Variants in USP35 observed in about 807,000 individuals in gnomAD.
USP35 encodes the protein ubiquitin carboxyl-terminal hydrolase 35.
Under a neutral mutation model 83.8 loss-of-function variants are expected in USP35, and 69 were observed. The observed-to-expected ratio is 0.82, with a 90% CI of 0.68 to 1.01. The LOEUF (loss-of-function observed/expected upper bound fraction) is 1.01, where lower values mean the gene tolerates loss of function less well. Among genes scored for constraint, USP35 ranks in the 50% least tolerant of loss-of-function variants. USP35 has a pLI of 0.00. For synonymous variants in USP35, 714 were observed against 589.5 expected (o/e 1.21, Z -3.06); for missense variants, 1,503 against 1,362.5 (o/e 1.10, Z -1.62).
chr11:78,230,229 C>A, the USP35 span, among the ~76,000 whole-genome samples: 1 of 152,234 alleles, frequency 6.6e-6, no homozygotes, highest in Admixed American at 6.5e-5. Flanking sequence ...CAGATCAAAG[C>A]CCTTCCTCTG....
chr11:78,223,373 C>A, the USP35 span: 1 of 1,450,800 alleles, frequency 6.9e-7, no homozygotes, highest in Non-Finnish European at 9.1e-7. Context: ...AGTCCCTAGC[C>A]ACTGTCCAGA....
chr11:78,217,036 C>T (rs914538719), downstream of USP35: 9 of 152,664 alleles, frequency 5.9e-5, no homozygotes, highest in Non-Finnish European at 1.0e-4. Context: ...CTTCTTCCTC[C>T]ACTGGACCCA....
At chr11:78,198,793 CTGTT>C (rs1436286952) in intron 3 of USP35, 15 of 729,046 alleles carry the variant, frequency 2.1e-5, no homozygotes, top group African/African-American at 1.9e-4. Context: ...CTCAACCTCT[CTGTT>C]TGAGTTTCCT....
downstream of USP35, chr11:78,219,312 A>G (rs771169575): frequency 1.9e-6 from 3 of 1,613,696 alleles, no homozygotes; most frequent in African/African-American, 4.0e-5. Flanking sequence ...GGACTGCCGC[A>G]CGTCTGTCCA....
chr11:78,233,990 T>G, the USP35 span, among the ~76,000 whole-genome samples: 1 of 152,266 alleles, frequency 6.6e-6, no homozygotes, highest in African/African-American at 2.4e-5. Flanking sequence ...ACTACAGTTT[T>G]TTCTCTTTTA....
chr11:78,199,476 C>A, intron 3 of USP35, 119 bp from the exon 4 acceptor site: 1 of 1,478,304 alleles, frequency 6.8e-7, no homozygotes, highest in Non-Finnish European at 9.2e-7. Context: ...CCCGGGGCTG[C>A]CCTTTGCAGG....
At position 78,209,622 on chromosome 11, in the gene USP35, G is replaced by C; in HGVS notation, c.1767G>C (p.Arg589=). The change falls in exon 10 of 11, where the codon CGG becomes CGC. Residue 589 remains arginine, a synonymous_variant. Transcript: ENST00000529308. ...TCTGCTGCCTCAACGTCTCCTCCCG[G>C]GAGGAGGCCTTCACGGACCTCTCTC... The part of the protein sequence containing the change: ...CCLCCLNVSS[R]EEAFTDLSLA... 1 of 1,614,090 alleles carries C rather than the reference G, an allele frequency of 6.2e-7. No homozygotes were observed. The highest frequency in any genetic ancestry group is 8.5e-7 in the Non-Finnish European group (1 of 1,179,998).
chr11:78,210,890 C>T lies in USP35; in HGVS notation c.2889+146C>T, dbSNP rs557203006. 6.5e-6 allele frequency: 5 copies of T among 770,548 alleles called. No individual in the cohort carries two copies. In the Admixed American group the frequency reaches 1.6e-4, roughly 24 times the overall value. The allele number at this position is 770,548 out of a possible 1,614,324, so 47.7% of individuals were successfully genotyped here. A position where few individuals can be genotyped will look rare whatever the true frequency, so the allele number is the denominator to read the frequency against. ...TCAGTGCTGGGTATATACTGGTGGC[C>T]CAGACAGACCTAACCCCTTACTTCA... On this transcript the variant is annotated intron_variant, in intron 10 of 10. Transcript: ENST00000529308.
the USP35 span, among the ~76,000 whole-genome samples, chr11:78,232,902 G>A: frequency 1.3e-5 from 2 of 152,070 alleles, no homozygotes; most frequent in Admixed American, 1.3e-4. Context: ...GATCATATGA[G>A]GTACCTAATG....
In USP35 at chr11:78,198,066, C is replaced by T; in HGVS notation, c.804C>T (p.Ser268=). The T allele has an allele frequency of 6.2e-7, 1 of 1,614,164 alleles. No homozygotes were observed. The highest frequency in any genetic ancestry group is 8.5e-7 in the Non-Finnish European group (1 of 1,180,002). Residue 268 remains serine, a splice_region_variant and synonymous_variant, in exon 3 of 11, where the codon AGC becomes AGT. Transcript: ENST00000529308. ...VTDSQMLTAI[S]RMIDWVSWPL... is the part of the protein sequence containing the mutation. ...ACTCGCAGATGCTGACTGCCATTAGCAGGTGGGACGCTGAGGCTGAGCCAT... is the reference window on the plus strand; with the variant it reads ...ACTCGCAGATGCTGACTGCCATTAGTAGGTGGGACGCTGAGGCTGAGCCAT...
Position 78,189,070 on chromosome 11 carries a change from C to G in USP35, c.-98C>G, listed in dbSNP as rs1459234651. On this transcript the variant is annotated 5_prime_UTR_variant, in exon 1 of 11. Transcript: ENST00000529308. The stretch of plus-strand genomic sequence containing the variant: ...CCCCACCCTGGGGGGAGCAGAGGAC[C>G]AGCCCTGACCTAGCCGGGCCCAGCC... 1.6e-6 allele frequency: 1 copy of G among 622,190 alleles called. No individual in the cohort carries two copies. Among genetic ancestry groups the G allele is most frequent in the Non-Finnish European group, 2.0e-6 (1 of 498,056 alleles). 38.5% of individuals were successfully genotyped at this position (622,190 alleles called of 1,614,324 possible). A position where few individuals can be genotyped will look rare whatever the true frequency, so the allele number is the denominator to read the frequency against.
the USP35 span, among the ~76,000 whole-genome samples, chr11:78,227,947 G>A: frequency 1.3e-5 from 2 of 152,154 alleles, no homozygotes; most frequent in Non-Finnish European, 2.9e-5. Context: ...TATGAAGAAT[G>A]GTTTCCTGTT....
chr11:78,195,049 C>T (rs543092052), intron 1 of USP35, among the ~76,000 whole-genome samples: 13 of 152,228 alleles, frequency 8.5e-5, no homozygotes, highest in East Asian at 7.7e-4. Context: ...AGAGGGCACA[C>T]GGTGAGCCAA....
chr11:78,221,792 G>C, the USP35 span: 3 of 1,591,328 alleles, frequency 1.9e-6, no homozygotes, highest in Non-Finnish European at 8.6e-7. Context: ...GTTGTGGGAA[G>C]GAAGAGTTAA....
Position 78,207,422 on chromosome 11 carries a change from G to A in USP35, c.1392-108G>A, listed in dbSNP as rs567289929. On this transcript the variant is annotated intron_variant, in intron 7 of 10. Coordinates refer to ENST00000529308, the MANE Select transcript of USP35 (RefSeq NM_020798.4). ...TCTGGCTCCGTCTTGGGGCAGAAAT[G>A]TCTGTTCTGCCTTTGGCCTAGAGGC... 7 of 1,091,576 alleles carry A rather than the reference G, an allele frequency of 6.4e-6. No homozygotes were observed. In the Admixed American group the frequency reaches 9.9e-5, roughly 15 times the overall value. 67.6% of individuals were successfully genotyped at this position (1,091,576 alleles called of 1,614,324 possible). A position where few individuals can be genotyped will look rare whatever the true frequency, so the allele number is the denominator to read the frequency against.
rs559282082 is a variant in USP35, at chr11:78,208,534, G to A, written c.1486-323G>A. Reference sequence around the variant, plus strand: ...GGGAAGATGACATGGAAGAGGCAGCGCTGTATCTGGGACTCATCTTGACGG... The same window carrying A: ...GGGAAGATGACATGGAAGAGGCAGCACTGTATCTGGGACTCATCTTGACGG... On this transcript the variant is annotated intron_variant, in intron 8 of 10. Transcript: ENST00000529308. Among the ~76,000 whole-genome samples, 395 of 152,300 alleles carry A rather than the reference G, an allele frequency of 2.6e-3. 7 individuals carry two copies. The highest frequency in any genetic ancestry group is 0.02 in the Middle Eastern group (6 of 294).
chr11:78,234,143 T>C, the USP35 span, among the ~76,000 whole-genome samples: 2 of 152,138 alleles, frequency 1.3e-5, no homozygotes, highest in Non-Finnish European at 2.9e-5. Flanking sequence ...TGCAATGGAA[T>C]GATCTTGGCT....
chr11:78,226,620 G>GGGGGGGGGGGGGGGGGGCC, the USP35 span: 1 of 1,500,520 alleles, frequency 6.7e-7, no homozygotes, highest in Non-Finnish European at 9.3e-7. Flanking sequence ...GCGGGGTGGG[G>GGGGGGGGGGGGGGGGGGCC]GAGCTATGGC....
At chr11:78,221,743 G>A in the USP35 span, 3 of 1,613,774 alleles carry the variant, frequency 1.9e-6, no homozygotes, top group South Asian at 1.1e-5. Context: ...TGGAGATGGG[G>A]CGGCAGTACT....
Sources: allele counts gnomAD v4.1 joint callset (sites outside exome capture counted in the v4.1 genomes callset), GRCh38; gene constraint gnomAD v4.1.1; transcripts MANE v1.5; gene names NCBI Gene and HGNC (gene_info 2026-07-23, HGNC 2026-07-21).